VPS13A: variants seen among roughly 807,000 people sequenced by gnomAD.
The protein encoded by VPS13A is intermembrane lipid transfer protein VPS13A.
A neutral mutation model predicts 390.9 loss-of-function variants in VPS13A; 264 were observed. The observed-to-expected ratio is 0.68, with a 90% CI of 0.61 to 0.75. The LOEUF (loss-of-function observed/expected upper bound fraction) is 0.75, where lower values mean the gene tolerates loss of function less well. VPS13A is among the 30% of genes least tolerant of loss of function. The probability of loss-of-function intolerance (pLI) is 0.00; values close to 1 mark genes in which losing one functional copy is unlikely to be tolerated. For synonymous variants in VPS13A, 1,231 were observed against 1,227.1 expected (o/e 1.00, Z -0.07); for missense variants, 3,409 against 3,733.9 (o/e 0.91, Z 2.27).
chr9:77,377,425 T>C (rs1290697775), intron 67 of VPS13A, among the ~76,000 whole-genome samples: 1 of 152,050 alleles, frequency 6.6e-6, no homozygotes, highest in East Asian at 1.9e-4. Flanking sequence ...TTCACCTTGT[T>C]AGCCAGGATG....
intron 45 of VPS13A, among the ~76,000 whole-genome samples, chr9:77,328,016 C>T (rs553273576): frequency 6.6e-6 from 1 of 152,182 alleles, no homozygotes; most frequent in Admixed American, 6.5e-5. Context: ...GAGCTGTTGC[C>T]TTAAAAAATG....
intron 69 of VPS13A, among the ~76,000 whole-genome samples, chr9:77,405,001 T>TA (rs202239082): frequency 2.0e-5 from 3 of 152,016 alleles, no homozygotes; most frequent in African/African-American, 7.2e-5. Flanking sequence ...TTTTTTTTTT[T>TA]AACTCAATCT....
At chr9:77,250,345 G>C (rs1237503212) in intron 21 of VPS13A, 116 bp downstream of exon 21, 1 of 1,268,098 alleles carries the variant, frequency 7.9e-7, no homozygotes, top group East Asian at 2.4e-5. Context: ...TTTTGAATTA[G>C]AAATGATAGT....
chr9:77,230,050 T>C (rs1257685919), intron 17 of VPS13A, among the ~76,000 whole-genome samples: 1 of 152,170 alleles, frequency 6.6e-6, no homozygotes, highest in Non-Finnish European at 1.5e-5. Flanking sequence ...TTGTGCTTAT[T>C]GGCCATTTCA....
intron 46 of VPS13A, among the ~76,000 whole-genome samples, chr9:77,334,593 T>C (rs1315653432): frequency 6.6e-6 from 1 of 152,134 alleles, no homozygotes; most frequent in Non-Finnish European, 1.5e-5. Context: ...CATATGTTTT[T>C]TGGTACCTAT....
chr9:77,291,322 T>A (rs920510534), intron 31 of VPS13A, among the ~76,000 whole-genome samples: 9 of 152,126 alleles, frequency 5.9e-5, no homozygotes, highest in Non-Finnish European at 1.3e-4. Context: ...AGCCCCACTT[T>A]TGTGGAAAAA....
intron 10 of VPS13A, among the ~76,000 whole-genome samples, chr9:77,214,656 G>A (rs1054026907): frequency 1.3e-5 from 2 of 152,130 alleles, no homozygotes; most frequent in Non-Finnish European, 2.9e-5. Flanking sequence ...GGATTATTCA[G>A]TAACAATTAG....
At chr9:77,279,364 C>T (rs1405783059) in intron 26 of VPS13A, among the ~76,000 whole-genome samples, 1 of 152,042 alleles carries the variant, frequency 6.6e-6, no homozygotes, top group Non-Finnish European at 1.5e-5. Context: ...CGGACGTCCA[C>T]GTCCTTCCTC....
Position 77,238,406 on chromosome 9 carries a change from T to C in VPS13A, c.1900+20T>C. On this transcript the variant is annotated intron_variant, in intron 19 of 71. Coordinates refer to ENST00000360280, the MANE Select transcript of VPS13A (RefSeq NM_033305.3). ...CAACAGGTAAATGCCAATATTAATG[T>C]TGGTGAATTAAATACTGTATCCTAT... The C allele has an allele frequency of 3.9e-6, 6 of 1,548,482 alleles. No individual in the cohort carries two copies. Among genetic ancestry groups the C allele is most frequent in the Non-Finnish European group, 5.4e-6 (6 of 1,120,292 alleles).
intron 40 of VPS13A, among the ~76,000 whole-genome samples, 166 bp downstream of exon 40, chr9:77,317,864 T>G (rs949172564): frequency 6.6e-6 from 1 of 151,972 alleles, no homozygotes; most frequent in South Asian, 2.1e-4. Context: ...TTAATACACA[T>G]TTTATGAATG....
chr9:77,306,412 G>T (rs199537950), intron 34 of VPS13A, among the ~76,000 whole-genome samples: 1 of 132,750 alleles, frequency 7.5e-6, no homozygotes, highest in Non-Finnish European at 1.6e-5. Flanking sequence ...GTGTGTGTGT[G>T]TTTGTGTGTG....
intron 71 of VPS13A, among the ~76,000 whole-genome samples, chr9:77,409,947 C>T (rs1834836041): frequency 6.6e-6 from 1 of 151,356 alleles, no homozygotes. Context: ...ACAGAGAATG[C>T]CACAAAGATA....
intron 29 of VPS13A, 98 bp from the exon 30 acceptor site, chr9:77,283,257 T>C (rs1014459989): frequency 7.0e-6 from 5 of 717,748 alleles, no homozygotes; most frequent in Admixed American, 4.9e-5. Flanking sequence ...TTCTCTGATA[T>C]CACTATTTGT....
At chr9:77,328,294 G>A (rs2131469539) in intron 45 of VPS13A, among the ~76,000 whole-genome samples, 1 of 152,246 alleles carries the variant, frequency 6.6e-6, no homozygotes, top group South Asian at 2.1e-4. Context: ...GAACCATGCT[G>A]TAAACAGATG....
intron 20 of VPS13A, among the ~76,000 whole-genome samples, chr9:77,248,428 C>T (rs2131262731): frequency 6.6e-6 from 1 of 151,888 alleles, no homozygotes; most frequent in South Asian, 2.1e-4. Context: ...CCATGTTAGC[C>T]AGGATGGTCT....
intron 69 of VPS13A, 22 bp from the exon 70 acceptor site, chr9:77,405,840 CTT>C (rs748402380): frequency 2.3e-5 from 37 of 1,611,500 alleles, no homozygotes; most frequent in Non-Finnish European, 2.9e-5. Context: ...AAAGCGAATT[CTT>C]TTTTTGTTTT....
rs889180119 is a variant in VPS13A at position 77,421,467 on chromosome 9, T to G, written c.*5461T>G. On this transcript the variant is annotated 3_prime_UTR_variant, in exon 72 of 72. Transcript: ENST00000360280. ...AAGCATTTCTTGGTATTGGTAGATT[T>G]GGATTGCATGGTAAGATGACTGCCC... 6.6e-6 allele frequency: 1 copy of G among 152,224 alleles called. No individual in the cohort carries two copies. 9.4% of individuals were successfully genotyped at this position (152,224 alleles called of 1,614,324 possible).
chr9:77,356,766 A>C lies in VPS13A; in HGVS notation c.7705A>C (p.Met2569Leu), dbSNP rs770600544. Residue 2569 changes from methionine (M) to leucine (L), a missense_variant, in exon 55 of 72, where the codon ATG becomes CTG. By Grantham distance (15) the Met-to-Leu change is conservative. This residue lies in a region of VPS13A where 221 missense variants were observed against 300.7 expected (regional missense o/e 0.73). Coordinates refer to ENST00000360280, the MANE Select transcript of VPS13A (RefSeq NM_033305.3). ...CAAGAAGAAGGCAAGATGGAAGCCA[A>C]TGAGTGTAAAGCACACTGAGAAGTT... Reference protein sequence around the residue: ...KPKKKARWKPMSVKHTEKLER... With the variant: ...KPKKKARWKPLSVKHTEKLER... The C allele has an allele frequency of 6.2e-7, 1 of 1,613,854 alleles. No homozygotes were observed. Among genetic ancestry groups the C allele is most frequent in the East Asian group, 2.2e-5 (1 of 44,840 alleles).
chr9:77,231,705 G>C (rs11145348), intron 17 of VPS13A, among the ~76,000 whole-genome samples: 30,515 of 151,814 alleles, frequency 0.2, 3,245 homozygotes, highest in Middle Eastern at 0.26. Flanking sequence ...TTTATTTTGT[G>C]ATTTCACTTC....
Sources: allele counts gnomAD v4.1 joint callset (sites outside exome capture counted in the v4.1 genomes callset), GRCh38; gene constraint gnomAD v4.1.1; regional missense constraint gnomAD v4.1.1; transcripts MANE v1.5; gene names NCBI Gene and HGNC (gene_info 2026-07-23, HGNC 2026-07-21).